USP32: variants seen among roughly 807,000 people sequenced by gnomAD.
The protein encoded by USP32 is ubiquitin carboxyl-terminal hydrolase 32.
Under a neutral mutation model 204.8 loss-of-function variants are expected in USP32, and 59 were observed. The observed-to-expected ratio is 0.29, with a 90% CI of 0.23 to 0.36. The LOEUF (loss-of-function observed/expected upper bound fraction) is 0.36, where lower values mean the gene tolerates loss of function less well. Among genes scored for constraint, USP32 ranks in the 10% least tolerant of loss-of-function variants. The pLI is 1.00. For synonymous variants in USP32, 517 were observed against 678.4 expected, an observed-to-expected ratio of 0.76 and a Z score of 3.70; for missense variants, 1,160 against 1,946.4, an observed-to-expected ratio of 0.60 and a Z score of 7.60.
chr17:60,179,246 G>A lies in USP32; in HGVS notation c.*9C>T, dbSNP rs566664608. On this transcript the variant is annotated 3_prime_UTR_variant, in exon 34 of 34. Coordinates refer to ENST00000300896, the MANE Select transcript of USP32 (RefSeq NM_032582.4). ...ACCGCCAAGCTGTCTAGCAGCCAGA[G>A]TGGTAGCTTTACTGTAACACACAGT... 7 of 1,612,134 alleles carry A rather than the reference G, an allele frequency of 4.3e-6. No individual in the cohort carries two copies. The highest frequency in any genetic ancestry group is 1.7e-5 in the Admixed American group (1 of 59,966).
At chr17:60,320,123 G>C (rs1342739933) in intron 2 of USP32, among the ~76,000 whole-genome samples, 1 of 152,102 alleles carries the variant, frequency 6.6e-6, no homozygotes, top group Non-Finnish European at 1.5e-5. Flanking sequence ...ATACAATTAA[G>C]TCCTCATTTA....
At chr17:60,180,471 T>C in intron 33 of USP32, 74 bp downstream of exon 33, 4 of 1,478,976 alleles carry the variant, frequency 2.7e-6, no homozygotes, top group Middle Eastern at 1.7e-4. Context: ...AGATAGTCCA[T>C]TATTTCAACA....
intron 1 of USP32, chr17:60,421,256 AACG>A (rs2090110118): frequency 1.5e-6 from 1 of 672,592 alleles, no homozygotes; most frequent in Non-Finnish European, 1.8e-6. Context: ...CAACAACAAC[AACG>A]ACAACAATAA....
chr17:60,213,149 G>T (rs1032938955), intron 18 of USP32, among the ~76,000 whole-genome samples: 2 of 152,232 alleles, frequency 1.3e-5, no homozygotes, highest in Non-Finnish European at 2.9e-5. Context: ...GCATGCCAGT[G>T]TGTAAATCTA....
At position 60,392,098 on chromosome 17, in the gene USP32, T is replaced by A; in HGVS notation, c.-159A>T. The A allele has an allele frequency of 1.4e-6, 1 of 707,860 alleles. No homozygotes were observed. Among genetic ancestry groups the A allele is most frequent in the Admixed American group, 4.1e-5 (1 of 24,598 alleles). The allele number at this position is 707,860 out of a possible 1,614,324, so 43.8% of individuals were successfully genotyped here. A position where few individuals can be genotyped will look rare whatever the true frequency, so the allele number is the denominator to read the frequency against. ...GTGCGGCTTCTGCCCCGGCGGCTCC[T>A]CCCGGTCGCCGCCACCGCCTCCATG... On this transcript the variant is annotated 5_prime_UTR_variant, in exon 1 of 34. Transcript: ENST00000300896.
At chr17:60,309,425 A>G (rs1325209806) in intron 2 of USP32, among the ~76,000 whole-genome samples, 1 of 150,546 alleles carries the variant, frequency 6.6e-6, no homozygotes. Flanking sequence ...CATGGCAGAA[A>G]CCCCTGTCTC....
chr17:60,246,319 C>T (rs907091672), intron 11 of USP32, among the ~76,000 whole-genome samples: 7 of 151,982 alleles, frequency 4.6e-5, no homozygotes, highest in Admixed American at 4.6e-4. Flanking sequence ...TAATGACCTC[C>T]GGTTTTATCC....
intron 2 of USP32, chr17:60,305,161 T>A (rs2145902400): frequency 6.6e-6 from 1 of 151,984 alleles, no homozygotes; most frequent in South Asian, 2.1e-4. Context: ...GGGTAATTTT[T>A]ATAAAGAAAA....
intron 1 of USP32, among the ~76,000 whole-genome samples, chr17:60,370,074 T>C (rs1598294299): frequency 6.6e-6 from 1 of 151,958 alleles, no homozygotes; most frequent in Non-Finnish European, 1.5e-5. Context: ...AGACAGAGTT[T>C]CACTCTTGTT....
At chr17:60,306,806 T>C (rs1481813703) in intron 2 of USP32, among the ~76,000 whole-genome samples, 1 of 152,096 alleles carries the variant, frequency 6.6e-6, no homozygotes, top group East Asian at 1.9e-4. Flanking sequence ...ACCAAAAAAC[T>C]GTTAGAACTG....
chr17:60,319,844 T>C (rs2088071224), intron 2 of USP32, among the ~76,000 whole-genome samples: 1 of 152,174 alleles, frequency 6.6e-6, no homozygotes, highest in African/African-American at 2.4e-5. Context: ...ACGTAGTATT[T>C]ACATTGCAAT....
rs35211470 is a variant in USP32 at position 60,276,946 on chromosome 17, C to CATATATATATATATATATATATATAT, written c.572-5466_572-5465insATATATATATATATATATATATATAT. On this transcript the variant is annotated intron_variant, in intron 5 of 33. Transcript: ENST00000300896. ...AGCAAGCTAAAGTAGATTACATATA[C>CATATATATATATATATATATATATAT]ATATATATATATATATATATAAAAT... is the stretch of plus-strand genomic sequence containing the variant. 8.7e-4 allele frequency among the ~76,000 whole-genome samples: 122 copies of CATATATATATATATATATATATATAT among 140,684 alleles called. 1 individual carries two copies. The highest frequency in any genetic ancestry group is 3.3e-3 in the African/African-American group (118 of 35,990). 92.3% of individuals were successfully genotyped at this position (140,684 alleles called of 152,430 possible).
chr17:60,332,119 A>G (rs1430409628), intron 2 of USP32, among the ~76,000 whole-genome samples: 2 of 151,926 alleles, frequency 1.3e-5, no homozygotes, highest in Non-Finnish European at 2.9e-5. Flanking sequence ...TTAGCTGGGC[A>G]TGGTGGTGCA....
intron 1 of USP32, among the ~76,000 whole-genome samples, chr17:60,408,371 T>A (rs1224179573): frequency 6.6e-6 from 1 of 151,986 alleles, no homozygotes; most frequent in Non-Finnish European, 1.5e-5. Context: ...CCACATCGTA[T>A]CAATCTGGCT....
intron 27 of USP32, among the ~76,000 whole-genome samples, chr17:60,197,221 C>G (rs2084543841): frequency 6.6e-6 from 1 of 151,836 alleles, no homozygotes; most frequent in Non-Finnish European, 1.5e-5. Flanking sequence ...CTACCCTAAT[C>G]ATCAAAATAC....
At chr17:60,391,749 A>C in intron 1 of USP32, 133 bp downstream of exon 1, 3 of 979,228 alleles carry the variant, frequency 3.1e-6, no homozygotes, top group African/African-American at 1.7e-5. Flanking sequence ...CACACTCCCC[A>C]AGGCCGGCCG....
At chr17:60,365,484 AAAATAAATAAAT>A (rs568687114) in intron 1 of USP32, among the ~76,000 whole-genome samples, 17 of 152,052 alleles carry the variant, frequency 1.1e-4, no homozygotes, top group Admixed American at 8.5e-4. Context: ...TCCATCTCAA[AAAATAAATAAAT>A]AAATAAATAA....
intron 1 of USP32, among the ~76,000 whole-genome samples, chr17:60,413,684 G>A (rs1022730085): frequency 1.3e-5 from 2 of 151,630 alleles, no homozygotes; most frequent in Non-Finnish European, 2.9e-5. Context: ...GCCAACAATA[G>A]TGAAACCCTG....
At chr17:60,221,003 G>T (rs2085232654) in intron 15 of USP32, among the ~76,000 whole-genome samples, 1 of 151,946 alleles carries the variant, frequency 6.6e-6, no homozygotes, top group South Asian at 2.1e-4. Flanking sequence ...AGTCTCAGGT[G>T]ACCAGGCTTT....
Sources: allele counts gnomAD v4.1 joint callset (sites outside exome capture counted in the v4.1 genomes callset), GRCh38; gene constraint gnomAD v4.1.1; transcripts MANE v1.5; gene names NCBI Gene and HGNC (gene_info 2026-07-23, HGNC 2026-07-21).